Variants in LRP1B observed in about 807,000 individuals in gnomAD.
LRP1B encodes low-density lipoprotein receptor-related protein 1B.
In LRP1B, 217 loss-of-function variants were observed where a neutral mutation model predicts 556.6. The ratio of observed to expected loss-of-function variants is 0.39; its 90% CI spans 0.35 to 0.44. The LOEUF (loss-of-function observed/expected upper bound fraction) is 0.44. Ranked by LOEUF, LRP1B falls within the 20% of genes least tolerant of loss-of-function variation. The probability of loss-of-function intolerance (pLI) is 1.00; values close to 1 mark genes in which losing one functional copy is unlikely to be tolerated. For missense variants in LRP1B, 5,053 were observed against 5,620.8 expected (o/e 0.90, Z 3.23); for synonymous variants, 2,047 against 1,865.8 (o/e 1.10, Z -2.50).
intron 1 of LRP1B, among the ~76,000 whole-genome samples, chr2:142,115,854 A>ATATGTAATATATAT (rs1491131544): frequency 0.35 from 749 of 2,128 alleles, 351 homozygotes; most frequent in East Asian, 0.5. Context: ...ATATATATAT[A>ATATGTAATATATAT]CATATATATA....
At chr2:140,984,820 G>T (rs1259831393) in intron 17 of LRP1B, among the ~76,000 whole-genome samples, 1 of 152,024 alleles carries the variant, frequency 6.6e-6, no homozygotes, top group Admixed American at 6.6e-5. Context: ...TATTCACTTA[G>T]TCTACCAGGC....
At chr2:140,799,146 T>G (rs1351398569) in intron 32 of LRP1B, among the ~76,000 whole-genome samples, 1 of 152,200 alleles carries the variant, frequency 6.6e-6, no homozygotes, top group African/African-American at 2.4e-5. Flanking sequence ...AAATACATTT[T>G]AAAAGTAACA....
rs142555809 is a variant in LRP1B, at chr2:140,908,440, A to G, written c.3320-363T>C. Among the ~76,000 whole-genome samples, 619 of 149,874 alleles carry G rather than the reference A, an allele frequency of 4.1e-3. 3 individuals are homozygous for G. The highest frequency in any genetic ancestry group is 0.011 in the Middle Eastern group (3 of 284). Reference sequence around the variant, plus strand: ...TTGAAAGTTTAATTGCAAAACTGTTAAAAGCAAACTTTAAAGATACATTTG... The same window carrying G: ...TTGAAAGTTTAATTGCAAAACTGTTGAAAGCAAACTTTAAAGATACATTTG... On this transcript the variant is annotated intron_variant, in intron 21 of 90. Transcript: ENST00000389484.
chr2:140,528,799 G>A (rs985732790), intron 47 of LRP1B, among the ~76,000 whole-genome samples: 1 of 151,962 alleles, frequency 6.6e-6, no homozygotes, highest in African/African-American at 2.4e-5. Flanking sequence ...TACAGAAATA[G>A]TAGGAACTTC....
intron 1 of LRP1B, among the ~76,000 whole-genome samples, chr2:142,105,351 T>A (rs1402146685): frequency 6.6e-6 from 1 of 152,202 alleles, no homozygotes; most frequent in South Asian, 2.1e-4. Flanking sequence ...CAAAATTGTA[T>A]ACATATCTAC....
intron 84 of LRP1B, among the ~76,000 whole-genome samples, chr2:140,297,390 G>C (rs1009933688): frequency 6.6e-6 from 1 of 152,076 alleles, no homozygotes; most frequent in Non-Finnish European, 1.5e-5. Context: ...GCCTTAGTAA[G>C]TGCCCATTTG....
intron 60 of LRP1B, among the ~76,000 whole-genome samples, chr2:140,465,429 T>G (rs1687504091): frequency 6.6e-6 from 1 of 152,174 alleles, no homozygotes; most frequent in Non-Finnish European, 1.5e-5. Context: ...CTGTCCTAGA[T>G]TCAACCTCAG....
At chr2:140,863,822 T>C (rs1205117562) in intron 27 of LRP1B, among the ~76,000 whole-genome samples, 7 of 152,116 alleles carry the variant, frequency 4.6e-5, no homozygotes, top group Admixed American at 1.3e-4. Flanking sequence ...AATGATTGTA[T>C]CTATCCTAAT....
intron 7 of LRP1B, among the ~76,000 whole-genome samples, chr2:141,099,670 G>A (rs1700411607): frequency 6.6e-6 from 1 of 152,140 alleles, no homozygotes. Flanking sequence ...TACCTAAACT[G>A]TTGCTAGTAA....
rs1693198951 is a variant in LRP1B, at chr2:140,873,277, A to G, written c.4170-5014T>C. ...CCAAGACGGAATGATCTTTGCTTGC[A>G]TGATCTTTAATAAATAAGACATTAA... is the stretch of plus-strand genomic sequence containing the variant. On this transcript the variant is annotated intron_variant, in intron 25 of 90. Transcript: ENST00000389484. Among the ~76,000 whole-genome samples, 3 of 152,098 alleles carry G rather than the reference A, an allele frequency of 2.0e-5. No individual in the cohort carries two copies. The South Asian group carries it at 6.2e-4, about 31-fold the overall frequency.
intron 85 of LRP1B, among the ~76,000 whole-genome samples, chr2:140,270,711 G>A (rs1682420745): frequency 6.6e-6 from 1 of 151,906 alleles, no homozygotes; most frequent in Non-Finnish European, 1.5e-5. Context: ...TGACATCTGT[G>A]TGAATGATAA....
chr2:140,918,902 A>G (rs1415689241), intron 21 of LRP1B, among the ~76,000 whole-genome samples: 1 of 152,018 alleles, frequency 6.6e-6, no homozygotes, highest in African/African-American at 2.4e-5. Context: ...AACCCAGTTT[A>G]TGATAATTTG....
At chr2:141,501,445 G>A in intron 2 of LRP1B, among the ~76,000 whole-genome samples, 1 of 152,090 alleles carries the variant, frequency 6.6e-6, no homozygotes. Flanking sequence ...AAATACAGCA[G>A]CCTGTAAATA....
chr2:140,575,169 T>G (rs1300131259), intron 43 of LRP1B, among the ~76,000 whole-genome samples: 1 of 151,858 alleles, frequency 6.6e-6, no homozygotes, highest in African/African-American at 2.4e-5. Context: ...ATATGAGGAG[T>G]TGAGTATGTG....
At chr2:140,986,121 T>C (rs565295406) in intron 17 of LRP1B, among the ~76,000 whole-genome samples, 19 of 151,930 alleles carry the variant, frequency 1.3e-4, no homozygotes, top group African/African-American at 3.6e-4. Context: ...GGTTTTTTTT[T>C]CCTTGGATGA....
At chr2:141,621,109 G>C (rs911205302) in intron 2 of LRP1B, among the ~76,000 whole-genome samples, 7 of 152,028 alleles carry the variant, frequency 4.6e-5, no homozygotes, top group African/African-American at 1.7e-4. Flanking sequence ...AGTAATACAG[G>C]CCTGGTGAGC....
intron 2 of LRP1B, among the ~76,000 whole-genome samples, chr2:141,487,663 C>T (rs1683171182): frequency 6.6e-6 from 1 of 152,108 alleles, no homozygotes; most frequent in African/African-American, 2.4e-5. Flanking sequence ...CCAAAATACA[C>T]CAAATATATT....
intron 31 of LRP1B, among the ~76,000 whole-genome samples, chr2:140,835,909 C>T (rs982748109): frequency 6.6e-6 from 1 of 152,128 alleles, no homozygotes; most frequent in East Asian, 1.9e-4. Context: ...CAGTTGAATA[C>T]CTTTTTTGTC....
intron 3 of LRP1B, among the ~76,000 whole-genome samples, chr2:141,273,733 A>T (rs1047209003): frequency 6.6e-6 from 1 of 152,214 alleles, no homozygotes; most frequent in African/African-American, 2.4e-5. Flanking sequence ...CATGCATTGG[A>T]CTTAACAAAA....
Sources: gnomAD v4.1 joint callset for allele counts (sites outside exome capture counted in the v4.1 genomes callset) on GRCh38, gnomAD v4.1.1 for gene constraint, MANE v1.5 for transcripts, NCBI Gene and HGNC (gene_info 2026-07-23, HGNC 2026-07-21) for gene names.